The following UPP2 variants were observed in gnomAD, a reference collection of about 807,000 sequenced individuals.
UPP2 encodes UPase 2.
Under a neutral mutation model 26.7 loss-of-function variants are expected in UPP2, and 23 were observed. The observed-to-expected ratio is 0.86, with a 90% CI of 0.62 to 1.22. UPP2 has a LOEUF of 1.22. UPP2 is among the 50% of genes most tolerant of loss of function. The probability of loss-of-function intolerance (pLI) is 0.00; values close to 1 mark genes in which losing one functional copy is unlikely to be tolerated. For synonymous variants in UPP2, 127 were observed against 141.3 expected, an observed-to-expected ratio of 0.90 and a Z score of 0.72; for missense variants, 387 against 396.7, an observed-to-expected ratio of 0.98 and a Z score of 0.21.
Position 158,115,242 on chromosome 2 carries a change from C to T in UPP2, c.322C>T (p.Pro108Ser), listed in dbSNP as rs1387204420. The change falls in exon 3 of 7, where the codon CCT (proline) becomes TCT (serine). Residue 108 changes from proline (P) to serine (S), a missense_variant. By Grantham distance (74) the Pro-to-Ser change is moderately conservative (BLOSUM62 -1). Coordinates refer to ENST00000005756, the MANE Select transcript of UPP2 (RefSeq NM_173355.4). ...TDRYCMYKTG[P>S]VLAISHGMGI... ...CAGATACTGTATGTACAAAACCGGG[C>T]CTGTGCTCGCCATCAGTGTAAGTAT... is the stretch of plus-strand genomic sequence containing the variant. 3 of 1,608,710 alleles carry T rather than the reference C, an allele frequency of 1.9e-6. No individual in the cohort carries two copies. The South Asian group carries it at 3.3e-5, about 18-fold the overall frequency.
intron 3 of UPP2, chr2:158,065,983 T>C (rs1682428048): frequency 2.4e-6 from 1 of 410,940 alleles, no homozygotes; most frequent in Admixed American, 3.5e-5. Flanking sequence ...AAGTTAACTT[T>C]TGTATTTGGA....
chr2:158,063,072 GAGGGAATAC>G (rs895083260), intron 3 of UPP2, among the ~76,000 whole-genome samples: 2 of 152,196 alleles, frequency 1.3e-5, no homozygotes, highest in African/African-American at 4.8e-5. Context: ...AGCAGTTGTA[GAGGGAATAC>G]TTGCAATATA....
chr2:158,084,647 A>C (rs181880409), intron 3 of UPP2, among the ~76,000 whole-genome samples: 1 of 152,302 alleles, frequency 6.6e-6, no homozygotes, highest in East Asian at 1.9e-4. Flanking sequence ...TAAGTATTTG[A>C]TACACCTCGA....
chr2:158,046,378 C>G (rs542414878), intron 3 of UPP2, among the ~76,000 whole-genome samples: 1 of 152,194 alleles, frequency 6.6e-6, no homozygotes, highest in African/African-American at 2.4e-5. Context: ...TACAACTTCA[C>G]TTTTTACTCT....
intron 3 of UPP2, among the ~76,000 whole-genome samples, chr2:158,036,342 T>C (rs1397732220): frequency 1.3e-5 from 2 of 152,154 alleles, no homozygotes; most frequent in African/African-American, 2.4e-5. Flanking sequence ...AATACTCAGC[T>C]CCTTCACTAC....
chr2:158,134,172 C>T (rs1321061171), intron 6 of UPP2, among the ~76,000 whole-genome samples: 1 of 152,076 alleles, frequency 6.6e-6, no homozygotes, highest in East Asian at 1.9e-4. Context: ...TACATTTAAG[C>T]ATTTCATATC....
chr2:158,024,836 G>A (rs1399156007), intron 3 of UPP2, among the ~76,000 whole-genome samples: 1 of 152,188 alleles, frequency 6.6e-6, no homozygotes, highest in African/African-American at 2.4e-5. Context: ...AGTAGCAGGT[G>A]CAATCTGGTC....
intron 3 of UPP2, among the ~76,000 whole-genome samples, chr2:158,032,176 T>TG (rs756183775): frequency 1.3e-5 from 2 of 152,182 alleles, no homozygotes; most frequent in East Asian, 1.9e-4. Flanking sequence ...AATGCAGCAT[T>TG]GGGAGCAGAT....
At chr2:158,000,715 G>A (rs1296647258) in intron 2 of UPP2, among the ~76,000 whole-genome samples, 1 of 152,214 alleles carries the variant, frequency 6.6e-6, no homozygotes, top group Non-Finnish European at 1.5e-5. Flanking sequence ...GCCAAGCATT[G>A]TGCATGGGAG....
intron 3 of UPP2, among the ~76,000 whole-genome samples, chr2:158,115,481 GA>G (rs2105222197): frequency 6.6e-6 from 1 of 152,202 alleles, no homozygotes; most frequent in Admixed American, 6.5e-5. Flanking sequence ...AAATTAGGGG[GA>G]AAATACTCAA....
At chr2:158,110,785 ATG>A (rs1171191960) in intron 2 of UPP2, among the ~76,000 whole-genome samples, 5 of 152,014 alleles carry the variant, frequency 3.3e-5, no homozygotes, top group African/African-American at 9.7e-5. Flanking sequence ...GCATTTTTTC[ATG>A]TGTTTTTTGG....
At chr2:158,006,408 C>T (rs1024313427) in intron 2 of UPP2, among the ~76,000 whole-genome samples, 2 of 148,000 alleles carry the variant, frequency 1.4e-5, no homozygotes, top group African/African-American at 2.5e-5. Context: ...GGCGGAGCCT[C>T]GGCTCTTGCA....
chr2:158,046,607 A>G (rs2105167932), intron 3 of UPP2, among the ~76,000 whole-genome samples: 1 of 152,344 alleles, frequency 6.6e-6, no homozygotes, highest in South Asian at 2.1e-4. Flanking sequence ...CCTATGGTTA[A>G]CGTTATGACC....
intron 3 of UPP2, among the ~76,000 whole-genome samples, chr2:158,116,953 G>A (rs973520243): frequency 4.7e-5 from 7 of 149,968 alleles, no homozygotes; most frequent in Admixed American, 1.3e-4. Flanking sequence ...CTTGATAGAC[G>A]GAGGAAGCTC....
chr2:158,123,724 C>A lies in UPP2; in HGVS notation c.665-25C>A, dbSNP rs768015894. The A allele has an allele frequency of 7.5e-6, 12 of 1,607,890 alleles. No homozygotes were observed. The South Asian group carries it at 1.2e-4, about 16-fold the overall frequency. On this transcript the variant is annotated intron_variant, in intron 5 of 6. Coordinates refer to ENST00000005756, the MANE Select transcript of UPP2 (RefSeq NM_173355.4). Reference sequence around the variant, plus strand: ...GTCAGTGGGGTGGGACATCAAGTCACTAAACGTTCTCCCCTCCCTTTCAGG... The same window carrying A: ...GTCAGTGGGGTGGGACATCAAGTCAATAAACGTTCTCCCCTCCCTTTCAGG...
At chr2:158,097,490 C>G (rs1438048764), upstream of UPP2, among the ~76,000 whole-genome samples, 1 of 152,074 alleles carries the variant, frequency 6.6e-6, no homozygotes, top group Non-Finnish European at 1.5e-5. Context: ...TTCCAGATGT[C>G]AATGCCTTGT....
At chr2:158,068,790 ATATATATATATATTTTTTTTTTTTT>A (rs1449083308) in intron 3 of UPP2, among the ~76,000 whole-genome samples, 1 of 17,156 alleles carries the variant, frequency 5.8e-5, no homozygotes, top group African/African-American at 2.1e-4. Flanking sequence ...ATATATATAT[ATATATATATATATTTTTTTTTTTTT>A]TTTTTTTTTT....
chr2:158,084,972 T>C (rs1179392250), intron 3 of UPP2, among the ~76,000 whole-genome samples: 1 of 152,202 alleles, frequency 6.6e-6, no homozygotes, highest in Admixed American at 6.5e-5. Context: ...GCTTTGGCTA[T>C]GCAGACTCTT....
intron 3 of UPP2, among the ~76,000 whole-genome samples, chr2:158,024,649 A>G (rs1683807363): frequency 6.6e-6 from 1 of 152,198 alleles, no homozygotes; most frequent in Admixed American, 6.5e-5. Context: ...CTTCAAACTC[A>G]CATTTTAATC....
Sources: allele counts gnomAD v4.1 joint callset (sites outside exome capture counted in the v4.1 genomes callset), GRCh38; gene constraint gnomAD v4.1.1; transcripts MANE v1.5; gene names NCBI Gene and HGNC (gene_info 2026-07-23, HGNC 2026-07-21).